The following MYRF variants were observed in gnomAD, a reference collection of about 807,000 sequenced individuals.
The protein encoded by MYRF is myelin gene regulatory factor.
A neutral mutation model predicts 126.3 loss-of-function variants in MYRF; 16 were observed. The ratio of observed to expected loss-of-function variants is 0.13; its 90% CI spans 0.09 to 0.19. The LOEUF is 0.19. Among genes scored for constraint, MYRF ranks in the 10% least tolerant of loss-of-function variants. The probability of loss-of-function intolerance (pLI) is 1.00; values close to 1 mark genes in which losing one functional copy is unlikely to be tolerated. For synonymous variants in MYRF, 608 were observed against 635.3 expected (o/e 0.96, Z 0.65); for missense variants, 1,104 against 1,547.0 (o/e 0.71, Z 4.80).
intron 1 of MYRF, among the ~76,000 whole-genome samples, chr11:61,755,154 C>T (rs1199659466): frequency 6.6e-6 from 1 of 152,148 alleles, no homozygotes; most frequent in East Asian, 1.9e-4. Flanking sequence ...AGGGTTTTAC[C>T]GAAGGGGCTG....
In MYRF at chr11:61,771,932, C is replaced by T. The variant is rs780597893; in HGVS notation, c.1095C>T (p.Tyr365=). 2.0e-5 allele frequency: 33 copies of T among 1,614,086 alleles called. No individual in the cohort carries two copies. The highest frequency in any genetic ancestry group is 3.3e-4 in the Middle Eastern group (2 of 6,062). The part of the protein sequence containing the change: ...PHQQNKWATL[Y]DANYKELPML... ...AGCAGAACAAGTGGGCGACCCTGTA[C>T]GATGCTAACTACAAGGAGCTGTGAG... Residue 365 remains tyrosine, a synonymous_variant, in exon 7 of 27, where the codon TAC becomes TAT. Coordinates refer to ENST00000278836, the MANE Select transcript of MYRF (RefSeq NM_001127392.3).
Position 61,766,012 on chromosome 11 carries a change from G to T in MYRF, c.189G>T (p.Gln63His). The T allele has an allele frequency of 6.3e-7, 1 of 1,582,834 alleles. No individual in the cohort carries two copies. The change falls in exon 3 of 27, where the codon CAG becomes CAT. Residue 63 changes from glutamine (Q) to histidine (H), a missense_variant. Physicochemically the swap from Gln to His is conservative, Grantham distance 24. Around this residue, in one of 10 missense-constraint regions of MYRF, gnomAD observed 368 missense variants for 403.9 expected, o/e 0.91. Transcript: ENST00000278836. ...PASSASYSHG[Q>H]PAMPGSSGVH... ...GCTCGGCCTCCTACTCCCACGGGCAGCCTGCGATGCCTGGCTCCAGCGGGG... is the reference window on the plus strand; with the variant it reads ...GCTCGGCCTCCTACTCCCACGGGCATCCTGCGATGCCTGGCTCCAGCGGGG...
rs1302566850 is a variant in MYRF at position 61,777,763 on chromosome 11, C to T, written c.1821C>T (p.Ile607=). Residue 607 remains isoleucine, a synonymous_variant, in exon 13 of 27, where the codon ATC becomes ATT. Transcript: ENST00000278836. This position sits in a 1 kb window ranked among gnomAD's most constrained non-coding sequence, Gnocchi z 8.8. Reference sequence around the variant, plus strand: ...ACACCACCGAGCAATTGAAGAGGATCTCGCGCATGCGGCTGGTGCACTACA... The same window carrying T: ...ACACCACCGAGCAATTGAAGAGGATTTCGCGCATGCGGCTGGTGCACTACA... The part of the protein sequence containing the change: ...EVDTTEQLKR[I]SRMRLVHYRY... 6.4e-7 allele frequency: 1 copy of T among 1,551,916 alleles called. No individual in the cohort carries two copies. Among genetic ancestry groups the T allele is most frequent in the Middle Eastern group, 1.7e-4 (1 of 5,962 alleles).
At chr11:61,779,744 G>A in intron 16 of MYRF, 98 bp from the exon 17 acceptor site, 1 of 1,270,404 alleles carries the variant, frequency 7.9e-7, no homozygotes, top group Non-Finnish European at 1.1e-6. Flanking sequence ...GGGAAATGGG[G>A]CACCCCCTTA....
chr11:61,773,178 C>T (rs964692657), intron 7 of MYRF, among the ~76,000 whole-genome samples: 6 of 152,004 alleles, frequency 3.9e-5, no homozygotes, highest in East Asian at 3.9e-4. Flanking sequence ...TTAGTAGAGG[C>T]GGGGTTTCAC....
intron 1 of MYRF, chr11:61,755,263 C>A: frequency 9.4e-7 from 1 of 1,069,316 alleles, no homozygotes; most frequent in Non-Finnish European, 1.4e-6. Flanking sequence ...GGGCTGGGGG[C>A]TAAGGCGCTT....
rs1202165389 is a variant in MYRF at position 61,766,287 on chromosome 11, C to T, written c.398+66C>T. 33 of 1,486,428 alleles carry T rather than the reference C, an allele frequency of 2.2e-5. No individual in the cohort carries two copies. In the East Asian group the frequency reaches 2.8e-4, roughly 13 times the overall value. 92.1% of individuals were successfully genotyped at this position (1,486,428 alleles called of 1,614,324 possible). A position where few individuals can be genotyped will look rare whatever the true frequency, so the allele number is the denominator to read the frequency against. ...GGCAGGCAGGGAGCAGGGCTGTGGC[C>T]GTGACCTGGGAGGTGCTAGACACTG... On this transcript the variant is annotated intron_variant, in intron 3 of 26. Coordinates refer to ENST00000278836, the MANE Select transcript of MYRF (RefSeq NM_001127392.3).
chr11:61,760,590 C>T (rs906851602), intron 1 of MYRF, among the ~76,000 whole-genome samples: 8 of 152,048 alleles, frequency 5.3e-5, no homozygotes, highest in Non-Finnish European at 8.8e-5. Context: ...TGCAGCAAGG[C>T]GGAGGGGCCT....
In MYRF at chr11:61,752,867, C is replaced by G. The variant is rs564846552; in HGVS notation, c.46+77C>G. 4.5e-6 allele frequency: 6 copies of G among 1,336,718 alleles called. No individual in the cohort carries two copies. The South Asian group carries it at 7.1e-5, about 16-fold the overall frequency. 82.8% of individuals were successfully genotyped at this position (1,336,718 alleles called of 1,614,324 possible). A position where few individuals can be genotyped will look rare whatever the true frequency, so the allele number is the denominator to read the frequency against. On this transcript the variant is annotated intron_variant, in intron 1 of 26. Transcript: ENST00000278836. ...GCTGATCTCCCCGGGAACTGGGGCT[C>G]CTCGCTGTGTTTCCGCCTCCTCTGG...
At chr11:61,771,453 G>C (rs752054352) in intron 5 of MYRF, 47 bp from the exon 6 acceptor site, 1 of 1,581,696 alleles carries the variant, frequency 6.3e-7, no homozygotes, top group South Asian at 1.2e-5. Context: ...CAGTGGGAGG[G>C]GCTCGGGGAG....
rs1476130582 is a variant in MYRF at position 61,776,228 on chromosome 11, G to A, written c.1389-94G>A. 1.1e-5 allele frequency: 18 copies of A among 1,565,348 alleles called. No homozygotes were observed. The East Asian group carries it at 1.6e-4, about 14-fold the overall frequency. On this transcript the variant is annotated intron_variant, in intron 9 of 26. Coordinates refer to ENST00000278836, the MANE Select transcript of MYRF (RefSeq NM_001127392.3). The surrounding 1 kb of genome is among the most constrained non-coding windows in gnomAD (Gnocchi z 4.3). Reference sequence around the variant, plus strand: ...GGCCAGGGAGGTACCCAGGGTGTCCGCCTCATGTACGTTGCTGGCCTGGGT... The same window carrying A: ...GGCCAGGGAGGTACCCAGGGTGTCCACCTCATGTACGTTGCTGGCCTGGGT...
chr11:61,766,055 C>T lies in MYRF; in HGVS notation c.232C>T (p.Pro78Ser). ...GSSGVHHLSP[P>S]GGGPSPGRHG... is the part of the protein sequence containing the mutation. ...CAGCGGGGTCCACCACCTGAGCCCC[C>T]CTGGGGGTGGACCCTCCCCGGGGCG... is the stretch of plus-strand genomic sequence containing the variant. The change falls in exon 3 of 27, where the codon CCT (proline) becomes TCT (serine). Residue 78 changes from proline (P) to serine (S), a missense_variant. By Grantham distance (74) the Pro-to-Ser change is moderately conservative (BLOSUM62 -1). Coordinates refer to ENST00000278836, the MANE Select transcript of MYRF (RefSeq NM_001127392.3). The T allele has an allele frequency of 1.2e-6, 2 of 1,603,310 alleles. No homozygotes were observed. The highest frequency in any genetic ancestry group is 8.5e-7 in the Non-Finnish European group (1 of 1,177,500).
intron 1 of MYRF, among the ~76,000 whole-genome samples, chr11:61,755,951 C>T (rs918694283): frequency 6.6e-6 from 1 of 152,212 alleles, no homozygotes; most frequent in African/African-American, 2.4e-5. Context: ...CCTGGGATTT[C>T]GCCCCTTCTG....
chr11:61,760,388 G>A (rs1351380173), intron 1 of MYRF, among the ~76,000 whole-genome samples: 2 of 152,216 alleles, frequency 1.3e-5, no homozygotes, highest in African/African-American at 2.4e-5. Context: ...TGACTGGGGC[G>A]ATGGGGAGGG....
In MYRF at chr11:61,781,559, G is replaced by C. The variant is rs2066548181; in HGVS notation, c.2765-14G>C. 2.5e-6 allele frequency: 4 copies of C among 1,610,880 alleles called. No individual in the cohort carries two copies. Among genetic ancestry groups the C allele is most frequent in the Non-Finnish European group, 2.5e-6 (3 of 1,178,656 alleles). On this transcript the variant is annotated splice_polypyrimidine_tract_variant and intron_variant, in intron 21 of 26. Transcript: ENST00000278836. The stretch of plus-strand genomic sequence containing the variant: ...GCTTCCAGCTTCTTAGCCTGTGCCT[G>C]GTTCTATCCACAGGCCCCAGCCAGA...
At position 61,777,589 on chromosome 11, in the gene MYRF, G is replaced by A. The variant is rs2066421573; in HGVS notation, c.1791+125G>A. ...GCTGCGGGGGAAGGAAGGGAGGGAG[G>A]CTGGCCTCGAATCCCGATCTAACCA... On this transcript the variant is annotated intron_variant, in intron 12 of 26. Transcript: ENST00000278836. The surrounding 1 kb of genome is among the most constrained non-coding windows in gnomAD (Gnocchi z 8.8). 7.3e-7 allele frequency: 1 copy of A among 1,364,550 alleles called. No individual in the cohort carries two copies. The highest frequency in any genetic ancestry group is 1.0e-6 in the Non-Finnish European group (1 of 995,814). 84.5% of individuals were successfully genotyped at this position (1,364,550 alleles called of 1,614,324 possible).
At position 61,785,834 on chromosome 11, in the gene MYRF, C is replaced by T. The variant is rs1485012022; in HGVS notation, c.3335C>T (p.Ser1112Phe). Residue 1112 changes from serine to phenylalanine, a missense_variant, in exon 26 of 27, where the codon TCC (serine) becomes TTC (phenylalanine). Physicochemically the swap from Ser to Phe is radical, Grantham distance 155 (BLOSUM62 -2). Coordinates refer to ENST00000278836, the MANE Select transcript of MYRF (RefSeq NM_001127392.3). ...CACCGGTGGCCAATAACCATCCTGT[C>T]CTTCCGTGAATTCACCTACCACTTC... Reference protein sequence around the residue: ...TSHRWPITILSFREFTYHFRV... With the variant: ...TSHRWPITILFFREFTYHFRV... 1.2e-6 allele frequency: 2 copies of T among 1,614,194 alleles called. No individual in the cohort carries two copies. The highest frequency in any genetic ancestry group is 8.5e-7 in the Non-Finnish European group (1 of 1,180,022).
At chr11:61,760,597 G>T (rs370963386) in intron 1 of MYRF, among the ~76,000 whole-genome samples, 4 of 152,226 alleles carry the variant, frequency 2.6e-5, no homozygotes, top group Non-Finnish European at 5.9e-5. Flanking sequence ...AGGCGGAGGG[G>T]CCTGGGGGAG....
intron 17 of MYRF, 141 bp from the exon 18 acceptor site, chr11:61,780,081 C>T: frequency 8.2e-7 from 1 of 1,214,770 alleles, no homozygotes. Flanking sequence ...GGCCTTTCTG[C>T]CTCTTCCCCT....
Sources: allele counts gnomAD v4.1 joint callset (sites outside exome capture counted in the v4.1 genomes callset), GRCh38; gene constraint gnomAD v4.1.1; regional missense constraint gnomAD v4.1.1; non-coding constraint Gnocchi (gnomAD v3.1); transcripts MANE v1.5; gene names NCBI Gene and HGNC (gene_info 2026-07-23, HGNC 2026-07-21).